Variants in ZBTB16 observed in about 807,000 individuals in gnomAD.
ZBTB16 encodes zinc finger and BTB domain-containing protein 16.
A neutral mutation model predicts 56.8 loss-of-function variants in ZBTB16; 8 were observed. The ratio of observed to expected loss-of-function variants is 0.14; its 90% CI spans 0.08 to 0.25. ZBTB16 has a LOEUF of 0.25. ZBTB16 is among the 10% of genes least tolerant of loss of function. The pLI, the probability that ZBTB16 is intolerant of heterozygous loss-of-function variation, is 1.00. For synonymous variants in ZBTB16, 363 were observed against 368.5 expected (o/e 0.98, Z 0.17); for missense variants, 625 against 903.0 (o/e 0.69, Z 3.95).
chr11:114,106,221 A>T (rs1325409125), intron 2 of ZBTB16, among the ~76,000 whole-genome samples: 2 of 152,012 alleles, frequency 1.3e-5, no homozygotes, highest in Non-Finnish European at 2.9e-5. Context: ...GCCTTTCTGA[A>T]GTGTTCCGTA....
rs1944967967 is a variant in ZBTB16 at position 114,254,508 on chromosome 11, A to G, written c.*3953A>G. Among the ~76,000 whole-genome samples the G allele has an allele frequency of 6.6e-6, 1 of 152,160 alleles. No individual in the cohort carries two copies. The highest frequency in any genetic ancestry group is 2.1e-4 in the South Asian group (1 of 4,826). ...AGGGCCATTGAGCTTACCTCCCTAT[A>G]GGGGAGAGAGCAGAGGTGGGGCAGC... On this transcript the variant is annotated 3_prime_UTR_variant, in exon 7 of 7. Transcript: ENST00000335953.
In ZBTB16 at chr11:114,241,574, G is replaced by A. The variant is rs187273220; in HGVS notation, c.1454-593G>A. ...TCCCAAAGCCATCCCCCAACCATAC[G>A]TGGAAAAATTGCCTTCCATGAAACC... On this transcript the variant is annotated intron_variant, in intron 4 of 6. Transcript: ENST00000335953. Among the ~76,000 whole-genome samples, 26 of 152,296 alleles carry A rather than the reference G, an allele frequency of 1.7e-4. No homozygotes were observed. In the East Asian group the frequency reaches 3.7e-3, roughly 21 times the overall value.
chr11:114,130,408 A>G (rs932709320), intron 2 of ZBTB16, among the ~76,000 whole-genome samples: 8 of 152,168 alleles, frequency 5.3e-5, no homozygotes, highest in African/African-American at 1.7e-4. Context: ...ATTTCAGGTT[A>G]GTTGAGACGT....
rs368725888 is a variant in ZBTB16 at position 114,063,742 on chromosome 11, C to T, written c.442C>T (p.Arg148Cys). 4.6e-5 allele frequency: 74 copies of T among 1,613,944 alleles called. 1 individual carries two copies. The South Asian group carries it at 6.6e-4, about 14-fold the overall frequency. ...TGGCGGGGCCGAGGAAGAAGAGGACCGCAAGGCTCGGTACCTCAAGAACAT... is the reference window on the plus strand; with the variant it reads ...TGGCGGGGCCGAGGAAGAAGAGGACTGCAAGGCTCGGTACCTCAAGAACAT... ...ADGGAEEEEDRKARYLKNIFI... is the reference protein window; with the variant it reads ...ADGGAEEEEDCKARYLKNIFI... The change falls in exon 2 of 7, where the codon CGC becomes TGC. Residue 148 changes from arginine to cysteine, a missense_variant. By Grantham distance (180) the Arg-to-Cys change is radical. Transcript: ENST00000335953. The surrounding 1 kb of genome is among the most constrained non-coding windows in gnomAD (Gnocchi z 6.5).
intron 4 of ZBTB16, among the ~76,000 whole-genome samples, chr11:114,208,170 T>C (rs1943927816): frequency 6.6e-6 from 1 of 152,224 alleles, no homozygotes; most frequent in Non-Finnish European, 1.5e-5. Flanking sequence ...CCCTTAGCTA[T>C]CTTGCCACTG....
chr11:114,163,718 A>G (rs972150400), intron 3 of ZBTB16, among the ~76,000 whole-genome samples: 1 of 151,674 alleles, frequency 6.6e-6, no homozygotes, highest in Admixed American at 6.6e-5. Context: ...CCAAATACAC[A>G]TGTCTCTGTC....
intron 3 of ZBTB16, among the ~76,000 whole-genome samples, chr11:114,157,743 G>A (rs80281375): frequency 2.3e-4 from 35 of 152,262 alleles, no homozygotes; most frequent in South Asian, 2.1e-3. Context: ...TTCCTAAAGC[G>A]TCCTAACTCC....
chr11:114,182,085 C>G (rs1344490485), intron 3 of ZBTB16, among the ~76,000 whole-genome samples: 1 of 152,174 alleles, frequency 6.6e-6, no homozygotes, highest in Non-Finnish European at 1.5e-5. Flanking sequence ...GGGTTTCACT[C>G]CTGTTTCCCA....
chr11:114,106,198 A>C (rs1168581928), intron 2 of ZBTB16, among the ~76,000 whole-genome samples: 2 of 152,102 alleles, frequency 1.3e-5, no homozygotes, highest in Admixed American at 6.5e-5. Flanking sequence ...GTACAGCAGC[A>C]CGACAGCCGC....
chr11:114,250,264 A>G lies in ZBTB16; in HGVS notation c.1793-62A>G, dbSNP rs1944894418. ...CTTCCCTGGCACGCCTGAGGGTGACATGGTGCCCTCACCGCCTTCTGTCTG... is the reference window on the plus strand; with the variant it reads ...CTTCCCTGGCACGCCTGAGGGTGACGTGGTGCCCTCACCGCCTTCTGTCTG... On this transcript the variant is annotated intron_variant, in intron 6 of 6. Coordinates refer to ENST00000335953, the MANE Select transcript of ZBTB16 (RefSeq NM_006006.6). The surrounding 1 kb of genome is among the most constrained non-coding windows in gnomAD (Gnocchi z 6.0). 2 of 1,572,250 alleles carry G rather than the reference A, an allele frequency of 1.3e-6. No homozygotes were observed. Among genetic ancestry groups the G allele is most frequent in the African/African-American group, 1.3e-5 (1 of 74,472 alleles).
rs1945010932 is a variant in ZBTB16, at chr11:114,256,174, A to G, written c.*5619A>G. Among the ~76,000 whole-genome samples, 1 of 152,208 alleles carries G rather than the reference A, an allele frequency of 6.6e-6. No individual in the cohort carries two copies. The highest frequency in any genetic ancestry group is 1.5e-5 in the Non-Finnish European group (1 of 68,026). ...CTTTTATGCCACATTTACAAGGCAC[A>G]GATGCACTGAATAACATTTTTCTAA... On this transcript the variant is annotated 3_prime_UTR_variant, in exon 7 of 7. Transcript: ENST00000335953.
chr11:114,226,531 C>A (rs1944331156), intron 4 of ZBTB16, among the ~76,000 whole-genome samples: 1 of 152,188 alleles, frequency 6.6e-6, no homozygotes, highest in African/African-American at 2.4e-5. Flanking sequence ...GAAACAAAAC[C>A]CACATGGGAG....
chr11:114,144,589 G>A (rs1942049530), intron 2 of ZBTB16, among the ~76,000 whole-genome samples: 1 of 152,204 alleles, frequency 6.6e-6, no homozygotes, highest in Admixed American at 6.5e-5. Context: ...AGCCTGCTGT[G>A]GGACACCATG....
At chr11:114,203,027 A>T (rs1333359628) in intron 4 of ZBTB16, among the ~76,000 whole-genome samples, 1 of 152,258 alleles carries the variant, frequency 6.6e-6, no homozygotes. Flanking sequence ...AGTGTTGTTC[A>T]CAATAGCCAA....
At chr11:114,155,210 C>T (rs1942378142) in intron 2 of ZBTB16, among the ~76,000 whole-genome samples, 1 of 152,256 alleles carries the variant, frequency 6.6e-6, no homozygotes, top group Non-Finnish European at 1.5e-5. Context: ...GGCTGCCACG[C>T]CTGCCCTGTC....
chr11:114,064,052 T>G lies in ZBTB16; in HGVS notation c.752T>G (p.Val251Gly). ...ACGGAGATGATGCAGGTGGATGAGG[T>G]GCCCAGCCAGGACAGCCCTGGGGCA... ...VKTEMMQVDEVPSQDSPGAAE... is the reference protein window; with the variant it reads ...VKTEMMQVDEGPSQDSPGAAE... The change falls in exon 2 of 7, where the codon GTG (valine) becomes GGG (glycine). Residue 251 changes from valine (V) to glycine (G), a missense_variant. This residue lies in a region of ZBTB16 where 384 missense variants were observed against 393.5 expected (regional missense o/e 0.98). Transcript: ENST00000335953. This position sits in a 1 kb window ranked among gnomAD's most constrained non-coding sequence, Gnocchi z 4.2. The G allele has an allele frequency of 6.2e-7, 1 of 1,613,162 alleles. No homozygotes were observed. The highest frequency in any genetic ancestry group is 8.5e-7 in the Non-Finnish European group (1 of 1,179,682).
chr11:114,215,246 G>A (rs1333160990), intron 4 of ZBTB16, among the ~76,000 whole-genome samples: 2 of 152,150 alleles, frequency 1.3e-5, no homozygotes, highest in Admixed American at 1.3e-4. Flanking sequence ...ACCTACACTG[G>A]CTGCCTGCCG....
chr11:114,120,139 G>A (rs1941300605), intron 2 of ZBTB16, among the ~76,000 whole-genome samples: 1 of 152,192 alleles, frequency 6.6e-6, no homozygotes, highest in African/African-American at 2.4e-5. Context: ...GTAAGGGAGA[G>A]GAGATGGGAC....
chr11:114,238,235 G>A (rs963221562), intron 4 of ZBTB16, among the ~76,000 whole-genome samples: 5 of 152,220 alleles, frequency 3.3e-5, no homozygotes, highest in Middle Eastern at 3.2e-3. Context: ...ACCGCTTGCT[G>A]CTGCTGTTGG....
Sources: allele counts gnomAD v4.1 joint callset (sites outside exome capture counted in the v4.1 genomes callset), GRCh38; gene constraint gnomAD v4.1.1; regional missense constraint gnomAD v4.1.1; non-coding constraint Gnocchi (gnomAD v3.1); transcripts MANE v1.5; gene names NCBI Gene and HGNC (gene_info 2026-07-23, HGNC 2026-07-21).